The following BRINP3 variants were observed in gnomAD, a reference collection of about 807,000 sequenced individuals.
BRINP3 encodes BMP/retinoic acid inducible neural specific 3.
BRINP3 carries 19 observed loss-of-function variants against 71.0 expected under a neutral mutation model. That is an observed-to-expected ratio of 0.27 (90% CI 0.19 to 0.39). The LOEUF (loss-of-function observed/expected upper bound fraction) is 0.39, where lower values mean the gene tolerates loss of function less well. Ranked by LOEUF, BRINP3 falls within the 10% of genes least tolerant of loss-of-function variation. The pLI is 1.00. For synonymous variants in BRINP3, 380 were observed against 337.7 expected (o/e 1.13, Z -1.37); for missense variants, 959 against 940.8 (o/e 1.02, Z -0.25).
intron 7 of BRINP3, among the ~76,000 whole-genome samples, chr1:190,113,597 C>G (rs1211153085): frequency 6.6e-6 from 1 of 152,098 alleles, no homozygotes; most frequent in Non-Finnish European, 1.5e-5. Flanking sequence ...TCTGGAATTA[C>G]TGAAAAATAG....
intron 2 of BRINP3, among the ~76,000 whole-genome samples, chr1:190,316,843 T>G (rs989902578): frequency 2.0e-5 from 3 of 152,214 alleles, no homozygotes; most frequent in Admixed American, 6.5e-5. Context: ...TATGAAGGAC[T>G]TCTAGATTTT....
At chr1:190,186,563 C>T (rs1653546235) in intron 6 of BRINP3, among the ~76,000 whole-genome samples, 1 of 152,086 alleles carries the variant, frequency 6.6e-6, no homozygotes, top group African/African-American at 2.4e-5. Flanking sequence ...CATAAAGGTT[C>T]TTCTTGGTAC....
At chr1:190,259,964 G>T (rs1417952530) in intron 4 of BRINP3, among the ~76,000 whole-genome samples, 3 of 151,104 alleles carry the variant, frequency 2.0e-5, no homozygotes, top group South Asian at 2.1e-4. Context: ...GGAGTCAGAG[G>T]TTGCAGTTAG....
intron 5 of BRINP3, among the ~76,000 whole-genome samples, chr1:190,232,444 A>G: frequency 6.6e-6 from 1 of 152,036 alleles, no homozygotes; most frequent in East Asian, 1.9e-4. Flanking sequence ...GAGTGCATGA[A>G]ATATTGAGGG....
chr1:190,291,714 A>C (rs2102968831), intron 2 of BRINP3, among the ~76,000 whole-genome samples: 1 of 152,324 alleles, frequency 6.6e-6, no homozygotes, highest in African/African-American at 2.4e-5. Context: ...TGAGAACGTA[A>C]ATTGAAACAG....
At chr1:190,399,523 TA>T (rs973738493) in intron 2 of BRINP3, among the ~76,000 whole-genome samples, 9 of 152,116 alleles carry the variant, frequency 5.9e-5, no homozygotes, top group African/African-American at 2.2e-4. Context: ...CAGGGGTTTT[TA>T]ATAGCTAAAA....
intron 2 of BRINP3, among the ~76,000 whole-genome samples, chr1:190,418,873 C>T (rs1266237703): frequency 1.3e-5 from 2 of 151,922 alleles, no homozygotes; most frequent in Non-Finnish European, 2.9e-5. Context: ...GTTTTCAAGC[C>T]CAAACTAATG....
intron 3 of BRINP3, among the ~76,000 whole-genome samples, chr1:190,277,814 A>G (rs1234296835): frequency 6.6e-6 from 1 of 151,758 alleles, no homozygotes; most frequent in Non-Finnish European, 1.5e-5. Flanking sequence ...TGATTCTTTC[A>G]ATTGAGTAGC....
At chr1:190,120,905 C>G (rs1034026672) in intron 7 of BRINP3, among the ~76,000 whole-genome samples, 1 of 151,876 alleles carries the variant, frequency 6.6e-6, no homozygotes, top group Non-Finnish European at 1.5e-5. Context: ...ATTCACAATG[C>G]CAACAGATAG....
chr1:190,269,143 T>C (rs1661894693), intron 3 of BRINP3, among the ~76,000 whole-genome samples: 1 of 152,064 alleles, frequency 6.6e-6, no homozygotes. Flanking sequence ...AAAATATCCA[T>C]AAAATAACAA....
In BRINP3 at chr1:190,154,116, G is replaced by T. The variant is rs551311346; in HGVS notation, c.1184+6552C>A. 7.6e-6 allele frequency: 7 copies of T among 924,764 alleles called. No homozygotes were observed. In the South Asian group the frequency reaches 3.0e-4, roughly 40 times the overall value. 57.3% of individuals were successfully genotyped at this position (924,764 alleles called of 1,614,324 possible). A position where few individuals can be genotyped will look rare whatever the true frequency, so the allele number is the denominator to read the frequency against. On this transcript the variant is annotated intron_variant, in intron 7 of 7. Transcript: ENST00000367462. ...CATCACATTTTCATCTTAGCTAGGG[G>T]AAAGAGATAAAAAAGATGACACATA...
intron 2 of BRINP3, among the ~76,000 whole-genome samples, chr1:190,389,701 T>G (rs2102297569): frequency 6.6e-6 from 1 of 151,884 alleles, no homozygotes; most frequent in South Asian, 2.1e-4. Context: ...CTTTGAAACA[T>G]TAATAAGTCC....
At chr1:190,437,681 C>T (rs1199011351) in intron 2 of BRINP3, among the ~76,000 whole-genome samples, 1 of 151,674 alleles carries the variant, frequency 6.6e-6, no homozygotes, top group African/African-American at 2.4e-5. Flanking sequence ...AAATATTCAA[C>T]AATTTCATTA....
At chr1:190,351,131 GT>G (rs1300506338) in intron 2 of BRINP3, among the ~76,000 whole-genome samples, 1 of 151,970 alleles carries the variant, frequency 6.6e-6, no homozygotes, top group Non-Finnish European at 1.5e-5. Context: ...TGGTATTTTA[GT>G]TTTTCCTACA....
chr1:190,451,197 A>AAT (rs1553325344), intron 2 of BRINP3, among the ~76,000 whole-genome samples: 1 of 151,288 alleles, frequency 6.6e-6, no homozygotes, highest in African/African-American at 2.4e-5. Flanking sequence ...GAAAAAAAAA[A>AAT]TTTTTGTTTT....
At chr1:190,325,018 A>C (rs767483757) in intron 2 of BRINP3, among the ~76,000 whole-genome samples, 1 of 151,940 alleles carries the variant, frequency 6.6e-6, no homozygotes, top group Non-Finnish European at 1.5e-5. Context: ...ATATTTCTTC[A>C]AAGTGCTTGA....
chr1:190,340,271 G>T (rs542709506), intron 2 of BRINP3, among the ~76,000 whole-genome samples: 3 of 151,890 alleles, frequency 2.0e-5, no homozygotes, highest in Non-Finnish European at 2.9e-5. Context: ...TAGAAAAATG[G>T]AGGACACTCC....
Position 190,208,763 on chromosome 1 carries a change from G to A in BRINP3, c.961+17319C>T, listed in dbSNP as rs112584800. Among the ~76,000 whole-genome samples, 485 of 152,162 alleles carry A rather than the reference G, an allele frequency of 3.2e-3. 4 individuals carry two copies. Among genetic ancestry groups the A allele is most frequent in the African/African-American group, 0.011 (458 of 41,538 alleles). On this transcript the variant is annotated intron_variant, in intron 6 of 7. Coordinates refer to ENST00000367462, the MANE Select transcript of BRINP3 (RefSeq NM_199051.3). ...GACCGCCTTGGCCTCTCAATGTGCT[G>A]GAATTACAGGCATGAGCCACCATGC...
intron 2 of BRINP3, among the ~76,000 whole-genome samples, chr1:190,439,362 T>C (rs1251700894): frequency 6.6e-6 from 1 of 151,870 alleles, no homozygotes; most frequent in Non-Finnish European, 1.5e-5. Flanking sequence ...CTTACTTTGG[T>C]TTGAATCTCC....
Sources: gnomAD v4.1 joint callset for allele counts (sites outside exome capture counted in the v4.1 genomes callset) on GRCh38, gnomAD v4.1.1 for gene constraint, MANE v1.5 for transcripts, NCBI Gene and HGNC (gene_info 2026-07-23, HGNC 2026-07-21) for gene names.